The following DYNC2H1 variants were observed in gnomAD, a reference collection of about 807,000 sequenced individuals.
The protein encoded by DYNC2H1 is cytoplasmic dynein 2 heavy chain 1.
DYNC2H1 carries 410 observed loss-of-function variants against 570.0 expected under a neutral mutation model. That is an observed-to-expected ratio of 0.72 (90% CI 0.66 to 0.78). DYNC2H1 has a LOEUF of 0.78. DYNC2H1 is among the 30% of genes least tolerant of loss of function. DYNC2H1 has a pLI of 0.00. For missense variants in DYNC2H1, 4,865 were observed against 5,046.4 expected, an observed-to-expected ratio of 0.96 and a Z score of 1.09; for synonymous variants, 1,688 against 1,677.6, an observed-to-expected ratio of 1.01 and a Z score of -0.15.
chr11:103,228,543 C>G lies in DYNC2H1; in HGVS notation c.9354-2717C>G, dbSNP rs1772980327. Among the ~76,000 whole-genome samples the G allele has an allele frequency of 6.6e-6, 1 of 152,134 alleles. No individual in the cohort carries two copies. Among genetic ancestry groups the G allele is most frequent in the Admixed American group, 6.5e-5 (1 of 15,272 alleles). ...CACAGAGTCCTGTGATGTGATCTGT[C>G]TTCAGGTATCTTAGCTGTGGATACC... On this transcript the variant is annotated intron_variant, in intron 59 of 88. Transcript: ENST00000375735. This position sits in a 1 kb window ranked among gnomAD's most constrained non-coding sequence, Gnocchi z 6.1.
chr11:103,109,923 A>C (rs1289634015), intron 1 of DYNC2H1, among the ~76,000 whole-genome samples, 154 bp downstream of exon 1: 1 of 152,164 alleles, frequency 6.6e-6, no homozygotes, highest in African/African-American at 2.4e-5. Flanking sequence ...ATTGGCTTAG[A>C]TGCGTTGGCC....
Position 103,472,180 on chromosome 11 carries a change from GTAGCC to G in DYNC2H1, c.12765+3476_12765+3480del, listed in dbSNP as rs1436984774. On this transcript the variant is annotated intron_variant, in intron 88 of 88. Transcript: ENST00000375735. The surrounding 1 kb of genome is among the most constrained non-coding windows in gnomAD (Gnocchi z 4.1). ...GCCAAGACCAAGTATGAGAAGCTGA[GTAGCC>G]ATGCCAGAGTTTAGACCACCTTATG... Among the ~76,000 whole-genome samples the G allele has an allele frequency of 6.6e-6, 1 of 152,098 alleles. No individual in the cohort carries two copies. The highest frequency in any genetic ancestry group is 6.6e-5 in the Admixed American group (1 of 15,264).
At position 103,215,698 on chromosome 11, in the gene DYNC2H1, C is replaced by T. The variant is rs376685051; in HGVS notation, c.8695-23C>T. 124 of 1,537,922 alleles carry T rather than the reference C, an allele frequency of 8.1e-5. No individual in the cohort carries two copies. In the Admixed American group the frequency reaches 1.1e-3, roughly 14 times the overall value. ...TAAAATTCCTTTTTTAAAATATTGC[C>T]GATCAATATTTTATTGATGTAGGCT... On this transcript the variant is annotated intron_variant, in intron 54 of 88. Coordinates refer to ENST00000375735, the MANE Select transcript of DYNC2H1 (RefSeq NM_001377.3).
intron 72 of DYNC2H1, 47 bp from the exon 73 acceptor site, chr11:103,282,961 C>A (rs773229711): frequency 7.0e-7 from 1 of 1,427,946 alleles, no homozygotes; most frequent in Non-Finnish European, 9.6e-7. Context: ...TTTTTAAACT[C>A]TGAATTTTAC....
intron 84 of DYNC2H1, among the ~76,000 whole-genome samples, chr11:103,426,116 TA>T (rs36043823): frequency 0.56 from 84,436 of 152,002 alleles, 24,092 homozygotes; most frequent in East Asian, 0.72. Flanking sequence ...ATCTGTGCCT[TA>T]AAGACATGTT....
chr11:103,409,001 C>T (rs1003911101), intron 84 of DYNC2H1, among the ~76,000 whole-genome samples: 3 of 152,002 alleles, frequency 2.0e-5, no homozygotes, highest in Non-Finnish European at 4.4e-5. Flanking sequence ...GCTGAAGCCT[C>T]GTGTGGCCAT....
chr11:103,115,261 ATTAT>A lies in DYNC2H1; in HGVS notation c.590_593del (p.Tyr197LeufsTer21), dbSNP rs769294289. ...AAACAGATTAGTAAAGAAAGAGCCA[ATTAT>A]TTTAAAGAATTATTTGAAACAATTG... On this transcript the variant is annotated frameshift_variant, in exon 4 of 89. Transcript: ENST00000375735. LOFTEE classifies it high-confidence loss of function. 6.2e-7 allele frequency: 1 copy of A among 1,601,254 alleles called. No homozygotes were observed. Among genetic ancestry groups the A allele is most frequent in the East Asian group, 2.2e-5 (1 of 44,600 alleles).
chr11:103,114,071 A>C, intron 2 of DYNC2H1, 32 bp from the exon 3 acceptor site: 1 of 1,598,710 alleles, frequency 6.3e-7, no homozygotes, highest in South Asian at 1.1e-5. Flanking sequence ...AATTTTGATC[A>C]ATCTTGGTTG....
chr11:103,301,708 A>G (rs7951750), intron 75 of DYNC2H1, among the ~76,000 whole-genome samples: 26,099 of 151,786 alleles, frequency 0.17, 2,415 homozygotes, highest in Admixed American at 0.26. Flanking sequence ...AAGAACAGAC[A>G]AGGGTGCTGC....
At chr11:103,160,157 A>G (rs1394640687) in intron 28 of DYNC2H1, among the ~76,000 whole-genome samples, 1 of 152,156 alleles carries the variant, frequency 6.6e-6, no homozygotes, top group Non-Finnish European at 1.5e-5. Flanking sequence ...TTGGTTATCA[A>G]GTTACCTCTC....
chr11:103,215,971 A>T, intron 55 of DYNC2H1, 113 bp downstream of exon 55: 1 of 1,294,078 alleles, frequency 7.7e-7, no homozygotes, highest in Non-Finnish European at 1.0e-6. Context: ...TTGCTTATTC[A>T]TACTGAGTCA....
Position 103,156,491 on chromosome 11 carries a change from A to G in DYNC2H1, c.3848A>G (p.Asp1283Gly). 7 of 1,613,750 alleles carry G rather than the reference A, an allele frequency of 4.3e-6. No individual in the cohort carries two copies. Among genetic ancestry groups the G allele is most frequent in the Non-Finnish European group, 5.9e-6 (7 of 1,179,734 alleles). The change falls in exon 26 of 89, where the codon GAC (aspartate) becomes GGC (glycine). Residue 1283 changes from aspartate to glycine, a missense_variant. Around this residue, in one of 5 missense-constraint regions of DYNC2H1, gnomAD observed 1,936 missense variants for 1,962.1 expected, o/e 0.99. Transcript: ENST00000375735. ...GAVFTLIDYEDSQSRTMKLIK... is the reference protein window; with the variant it reads ...GAVFTLIDYEGSQSRTMKLIK... ...GTGTTTACATTAATTGATTATGAAGACAGCCAAAGTCGAACTATGAAGCTG... is the reference window on the plus strand; with the variant it reads ...GTGTTTACATTAATTGATTATGAAGGCAGCCAAAGTCGAACTATGAAGCTG...
chr11:103,307,863 G>T (rs900141509), intron 78 of DYNC2H1, 32 bp downstream of exon 78: 2 of 1,324,484 alleles, frequency 1.5e-6, no homozygotes, highest in African/African-American at 2.9e-5. Flanking sequence ...ATCACCAGTT[G>T]TATGAAAGCA....
At chr11:103,471,781 A>G (rs1166726134) in intron 88 of DYNC2H1, among the ~76,000 whole-genome samples, 1 of 152,168 alleles carries the variant, frequency 6.6e-6, no homozygotes, top group East Asian at 1.9e-4. Flanking sequence ...GTCTTCCGCC[A>G]ACTGGGGAAG....
At chr11:103,149,011 C>T (rs1860389554) in intron 20 of DYNC2H1, among the ~76,000 whole-genome samples, 2 of 152,080 alleles carry the variant, frequency 1.3e-5, no homozygotes, top group African/African-American at 2.4e-5. Flanking sequence ...GAGCCAAGAT[C>T]GTGCCACTGC....
rs1864002212 is a variant in DYNC2H1 at position 103,231,356 on chromosome 11, A to G, written c.9440+10A>G. On this transcript the variant is annotated intron_variant, in intron 60 of 88. Transcript: ENST00000375735. Reference sequence around the variant, plus strand: ...CAGAACTCAAAGAAAAGTAAGTTATATTTTGAAGTGTATTTTGGATAATGC... The same window carrying G: ...CAGAACTCAAAGAAAAGTAAGTTATGTTTTGAAGTGTATTTTGGATAATGC... 3 of 1,559,084 alleles carry G rather than the reference A, an allele frequency of 1.9e-6. No individual in the cohort carries two copies. Among genetic ancestry groups the G allele is most frequent in the Non-Finnish European group, 2.6e-6 (3 of 1,139,952 alleles).
In DYNC2H1 at chr11:103,173,315, CTTG is replaced by C; in HGVS notation, c.5558+13_5558+15del. 1 of 1,507,218 alleles carries C rather than the reference CTTG, an allele frequency of 6.6e-7. No individual in the cohort carries two copies. Among genetic ancestry groups the C allele is most frequent in the Non-Finnish European group, 8.9e-7 (1 of 1,128,426 alleles). The allele number at this position is 1,507,218 out of a possible 1,614,324, so 93.4% of individuals were successfully genotyped here. On this transcript the variant is annotated intron_variant, in intron 35 of 88. Coordinates refer to ENST00000375735, the MANE Select transcript of DYNC2H1 (RefSeq NM_001377.3). ...TTTTCAATCTATCTAGGTGAGTTTT[CTTG>C]TTCTAAATATTTTTATATTTTACAT...
At chr11:103,148,431 A>G (rs1860353322) in intron 19 of DYNC2H1, 59 bp from the exon 20 acceptor site, 3 of 1,497,982 alleles carry the variant, frequency 2.0e-6, no homozygotes, top group Non-Finnish European at 2.7e-6. Context: ...GAAATTATGT[A>G]ACTTAGTATT....
intron 78 of DYNC2H1, among the ~76,000 whole-genome samples, chr11:103,309,424 A>G (rs1867469945): frequency 6.7e-6 from 1 of 149,476 alleles, no homozygotes; most frequent in South Asian, 2.1e-4. Context: ...TGAACTCCTT[A>G]GGCTCAAGCA....
Sources: gnomAD v4.1 joint callset for allele counts (sites outside exome capture counted in the v4.1 genomes callset) on GRCh38, gnomAD v4.1.1 for gene constraint, gnomAD v4.1.1 regional missense constraint, Gnocchi (gnomAD v3.1) non-coding constraint, MANE v1.5 for transcripts, NCBI Gene and HGNC (gene_info 2026-07-23, HGNC 2026-07-21) for gene names.